ARHGEF9: variants seen among roughly 807,000 people sequenced by gnomAD.
The protein encoded by ARHGEF9 is Cdc42 guanine nucleotide exchange factor 9.
ARHGEF9 carries 2 observed loss-of-function variants against 41.3 expected under a neutral mutation model. The ratio of observed to expected loss-of-function variants is 0.05; its 90% CI spans 0.02 to 0.15. The LOEUF is 0.15. Ranked by LOEUF, ARHGEF9 falls within the 10% of genes least tolerant of loss-of-function variation. ARHGEF9 has a pLI of 1.00. For synonymous variants in ARHGEF9, 160 were observed against 154.4 expected (o/e 1.04, Z -0.27); for missense variants, 225 against 424.7 (o/e 0.53, Z 4.13).
intron 3 of ARHGEF9, among the ~76,000 whole-genome samples, chrX:63,703,587 G>C (rs1335798530): frequency 8.9e-6 from 1 of 112,186 alleles, no homozygotes; most frequent in Non-Finnish European, 1.9e-5. Flanking sequence ...TATTTATCGA[G>C]CATCTACTAT....
At chrX:63,699,576 T>C (rs1483986658) in intron 3 of ARHGEF9, among the ~76,000 whole-genome samples, 2 of 111,864 alleles carry the variant, frequency 1.8e-5, no homozygotes, top group East Asian at 5.6e-4. Flanking sequence ...AGTCCCTAAA[T>C]ATGTTATTTA....
chrX:63,703,510 A>T (rs2052331175), intron 3 of ARHGEF9, among the ~76,000 whole-genome samples: 1 of 112,465 alleles, frequency 8.9e-6, no homozygotes, highest in South Asian at 3.7e-4. Flanking sequence ...ATATGATGTG[A>T]ATGTACTTTG....
chrX:63,693,448 A>G (rs1602426871), intron 4 of ARHGEF9, among the ~76,000 whole-genome samples: 1 of 109,610 alleles, frequency 9.1e-6, no homozygotes, highest in Non-Finnish European at 1.9e-5. Context: ...CGTCTCTACT[A>G]AAAAAATGCA....
At chrX:63,743,887 A>G (rs781805595) in intron 1 of ARHGEF9, among the ~76,000 whole-genome samples, 2 of 112,132 alleles carry the variant, frequency 1.8e-5, no homozygotes, top group African/African-American at 3.3e-5. Flanking sequence ...GGAGCTTGGG[A>G]TAAATAAAAG....
intron 1 of ARHGEF9, among the ~76,000 whole-genome samples, chrX:63,746,388 G>A (rs1396919074): frequency 3.6e-5 from 4 of 111,585 alleles, no homozygotes; most frequent in Non-Finnish European, 7.5e-5. Flanking sequence ...GCTTCCTCCT[G>A]AATACTGCTC....
chrX:63,712,009 T>A (rs1206445094), intron 2 of ARHGEF9, among the ~76,000 whole-genome samples: 1 of 111,893 alleles, frequency 8.9e-6, no homozygotes, highest in Non-Finnish European at 1.9e-5. Flanking sequence ...GGCCAATAAA[T>A]ACATGAAAAG....
chrX:63,638,018 C>T lies in ARHGEF9; in HGVS notation c.*10G>A. ...ACTTTATTTTAAAATTATCTGCCTCCCTGTAGGTATCATTTTTTGAAGGGG... is the reference window on the plus strand; with the variant it reads ...ACTTTATTTTAAAATTATCTGCCTCTCTGTAGGTATCATTTTTTGAAGGGG... On this transcript the variant is annotated 3_prime_UTR_variant, in exon 10 of 10. Coordinates refer to ENST00000671741, the MANE Select transcript of ARHGEF9 (RefSeq NM_001353921.2). 2 of 1,202,686 alleles carry T rather than the reference C, an allele frequency of 1.7e-6. No homozygotes were observed. The highest frequency in any genetic ancestry group is 2.2e-6 in the Non-Finnish European group (2 of 890,570).
chrX:63,651,926 C>CT (rs782321332), intron 8 of ARHGEF9, among the ~76,000 whole-genome samples: 8 of 110,351 alleles, frequency 7.2e-5, no homozygotes, highest in Non-Finnish European at 1.1e-4. Context: ...GGTTCCAACA[C>CT]TTTTTTTCAA....
chrX:63,747,931 G>A (rs1556436134), intron 1 of ARHGEF9, among the ~76,000 whole-genome samples: 1 of 112,311 alleles, frequency 8.9e-6, no homozygotes, highest in African/African-American at 3.2e-5. Context: ...TTGCATTGTA[G>A]GCACAGAAAG....
intron 1 of ARHGEF9, among the ~76,000 whole-genome samples, chrX:63,761,224 C>A (rs1402630691): frequency 1.8e-5 from 2 of 111,797 alleles, no homozygotes; most frequent in East Asian, 5.6e-4. Context: ...GCCGTTTGAG[C>A]TTTTGGGGAG....
intron 9 of ARHGEF9, among the ~76,000 whole-genome samples, chrX:63,638,934 C>A (rs1174336230): frequency 1.8e-5 from 2 of 112,094 alleles, no homozygotes; most frequent in African/African-American, 6.5e-5. Context: ...TAAAAACCTT[C>A]TCAACATTTG....
chrX:63,705,691 G>A (rs1262480170), intron 3 of ARHGEF9, among the ~76,000 whole-genome samples: 3 of 111,217 alleles, frequency 2.7e-5, no homozygotes, highest in South Asian at 3.9e-4. Context: ...ACTCACAACC[G>A]GTGTTCTCCA....
At chrX:63,710,366 A>C (rs2052853930) in intron 2 of ARHGEF9, among the ~76,000 whole-genome samples, 1 of 109,945 alleles carries the variant, frequency 9.1e-6, no homozygotes, top group Admixed American at 9.7e-5. Context: ...CAAACATTTA[A>C]AAAATAACTA....
intron 8 of ARHGEF9, among the ~76,000 whole-genome samples, chrX:63,649,578 A>G (rs1156781198): frequency 8.9e-6 from 1 of 111,972 alleles, no homozygotes; most frequent in Non-Finnish European, 1.9e-5. Flanking sequence ...AATGCAAGAA[A>G]TAACTAAGAT....
chrX:63,649,713 A>G lies in ARHGEF9; in HGVS notation c.1322-5665T>C, dbSNP rs1217970431. ...ACTAGCAAGACTAATAAAGAAGAAA[A>G]GAGAGAAGAATCAAATAGACACAAT... On this transcript the variant is annotated intron_variant, in intron 8 of 9. Transcript: ENST00000671741. 5.4e-5 allele frequency among the ~76,000 whole-genome samples: 6 copies of G among 111,809 alleles called. No homozygotes were observed. The East Asian group carries it at 1.7e-3, about 31-fold the overall frequency.
intron 1 of ARHGEF9, among the ~76,000 whole-genome samples, chrX:63,765,964 T>C (rs1556451679): frequency 1.8e-5 from 2 of 112,062 alleles, no homozygotes; most frequent in Non-Finnish European, 3.8e-5. Context: ...CATGACAACC[T>C]TGTGAGGGAA....
rs782130150 is a variant in ARHGEF9, at chrX:63,635,878, ACT to A, written c.*2148_*2149del. 24 of 133,763 alleles carry A rather than the reference ACT, an allele frequency of 1.8e-4. No individual in the cohort carries two copies. The South Asian group carries it at 5.3e-3, about 29-fold the overall frequency. The allele number at this position is 133,763 out of a possible 1,213,427, so 11.0% of individuals were successfully genotyped here. On this transcript the variant is annotated 3_prime_UTR_variant, in exon 10 of 10. Coordinates refer to ENST00000671741, the MANE Select transcript of ARHGEF9 (RefSeq NM_001353921.2). ...GGGAGGCCTGCATAGCTACCAAAAC[ACT>A]CTGCCAGACAGGATATTTTAGCCTG...
intron 1 of ARHGEF9, among the ~76,000 whole-genome samples, chrX:63,752,916 A>G (rs1793795399): frequency 8.9e-6 from 1 of 111,995 alleles, no homozygotes; most frequent in Non-Finnish European, 1.9e-5. Context: ...ATGTGTGTAG[A>G]TGTGTATGTG....
At chrX:63,688,550 A>G (rs2051128628) in intron 4 of ARHGEF9, among the ~76,000 whole-genome samples, 1 of 112,506 alleles carries the variant, frequency 8.9e-6, no homozygotes, top group African/African-American at 3.2e-5. Context: ...ATCTATCAAA[A>G]ATAATGACAA....
Sources: gnomAD v4.1 joint callset for allele counts (sites outside exome capture counted in the v4.1 genomes callset) on GRCh38, gnomAD v4.1.1 for gene constraint, MANE v1.5 for transcripts, NCBI Gene and HGNC (gene_info 2026-07-23, HGNC 2026-07-21) for gene names.